The following GFRA2 variants were observed in gnomAD, a reference collection of about 807,000 sequenced individuals.
The protein encoded by GFRA2 is GDNF family receptor alpha-2.
GFRA2 carries 17 observed loss-of-function variants against 48.3 expected under a neutral mutation model. The observed-to-expected ratio is 0.35, with a 90% confidence interval of 0.24 to 0.53. The LOEUF is 0.53. GFRA2 is among the 20% of genes least tolerant of loss of function. The pLI is 0.93. For synonymous variants in GFRA2, 305 were observed against 257.2 expected, an observed-to-expected ratio of 1.19 and a Z score of -1.78; for missense variants, 660 against 637.3, an observed-to-expected ratio of 1.04 and a Z score of -0.38.
At chr8:21,705,480 A>G (rs13271884) in intron 5 of GFRA2, among the ~76,000 whole-genome samples, 88,053 of 151,992 alleles carry the variant, frequency 0.58, 28,583 homozygotes, top group African/African-American at 0.89. Context: ...TCCTGGGATC[A>G]GACCCCAGTG....
At chr8:21,768,641 C>G (rs1200747230) in intron 3 of GFRA2, among the ~76,000 whole-genome samples, 1 of 152,132 alleles carries the variant, frequency 6.6e-6, no homozygotes, top group Non-Finnish European at 1.5e-5. Context: ...ACCGGCCGAG[C>G]AAAGCCGGGC....
At chr8:21,747,498 C>A (rs1805064944) in intron 4 of GFRA2, among the ~76,000 whole-genome samples, 1 of 152,168 alleles carries the variant, frequency 6.6e-6, no homozygotes, top group African/African-American at 2.4e-5. Flanking sequence ...AACCCACCTT[C>A]TTCACAGAGC....
intron 1 of GFRA2, among the ~76,000 whole-genome samples, chr8:21,784,974 G>A (rs1807197373): frequency 6.6e-6 from 1 of 152,086 alleles, no homozygotes; most frequent in Non-Finnish European, 1.5e-5. Flanking sequence ...GCCAGCCCGT[G>A]GGAGCCTCTG....
chr8:21,750,553 CCTGCCAGCACCACCGGGG>C lies in GFRA2; in HGVS notation c.794+17_794+34del, dbSNP rs1805237704. 1 of 1,298,580 alleles carries C rather than the reference CCTGCCAGCACCACCGGGG, an allele frequency of 7.7e-7. No individual in the cohort carries two copies. Among genetic ancestry groups the C allele is most frequent in the Admixed American group, 2.0e-5 (1 of 48,846 alleles). The allele number at this position is 1,298,580 out of a possible 1,614,324, so 80.4% of individuals were successfully genotyped here. A position where few individuals can be genotyped will look rare whatever the true frequency, so the allele number is the denominator to read the frequency against. ...CACAGCCTGGCAATGCAAGCGCCCT[CCTGCCAGCACCACCGGGG>C]CTGCCGCGGCACTCACCGACACAGG... On this transcript the variant is annotated intron_variant, in intron 4 of 8. Transcript: ENST00000524240. This position sits in a 1 kb window ranked among gnomAD's most constrained non-coding sequence, Gnocchi z 5.7.
At chr8:21,784,019 G>C (rs1197126310) in intron 1 of GFRA2, among the ~76,000 whole-genome samples, 2 of 151,796 alleles carry the variant, frequency 1.3e-5, no homozygotes, top group African/African-American at 4.8e-5. Context: ...AAAGGGAAAA[G>C]CTCCCCTCCT....
intron 2 of GFRA2, among the ~76,000 whole-genome samples, chr8:21,802,403 G>A (rs1352431813): frequency 6.6e-6 from 1 of 152,170 alleles, no homozygotes; most frequent in African/African-American, 2.4e-5. Flanking sequence ...TGTCCAGGCT[G>A]GAGTGCAGTG....
intron 2 of GFRA2, among the ~76,000 whole-genome samples, chr8:21,795,906 C>A (rs1807666253): frequency 6.6e-6 from 1 of 152,202 alleles, no homozygotes; most frequent in South Asian, 2.1e-4. Context: ...AAGGAAAAAG[C>A]ACTCAAGTCA....
intron 2 of GFRA2, among the ~76,000 whole-genome samples, chr8:21,776,519 G>GT (rs1266732401): frequency 2.0e-5 from 3 of 148,808 alleles, no homozygotes; most frequent in African/African-American, 7.5e-5. Context: ...CCAGGCTGGA[G>GT]TACAGTGGCA....
chr8:21,808,401 T>G (rs1685107519), intron 1 of GFRA2, among the ~76,000 whole-genome samples: 2 of 152,232 alleles, frequency 1.3e-5, no homozygotes, highest in Non-Finnish European at 2.9e-5. Flanking sequence ...CCTTCCAGCA[T>G]TGCTATGATG....
Position 21,690,625 on chromosome 8 carries a change from A to T in GFRA2, c.*2653T>A, listed in dbSNP as rs984134539. 3 of 152,170 alleles carry T rather than the reference A, an allele frequency of 2.0e-5. No homozygotes were observed. Among genetic ancestry groups the T allele is most frequent in the Non-Finnish European group, 4.4e-5 (3 of 68,032 alleles). The allele number at this position is 152,170 out of a possible 1,614,324, so 9.4% of individuals were successfully genotyped here. A position where few individuals can be genotyped will look rare whatever the true frequency, so the allele number is the denominator to read the frequency against. On this transcript the variant is annotated 3_prime_UTR_variant, in exon 9 of 9. Transcript: ENST00000524240. ...CTTGGGAAATTTTCTCTCCCCCATG[A>T]TGTAGCCTAAGGGCTTACCTCCTAT...
intron 2 of GFRA2, among the ~76,000 whole-genome samples, chr8:21,776,936 G>A (rs1020972554): frequency 5.9e-5 from 9 of 152,042 alleles, no homozygotes; most frequent in African/African-American, 1.9e-4. Flanking sequence ...TATTTATTGA[G>A]GCCAAACAAT....
rs1801867088 is a variant in GFRA2, at chr8:21,691,079, A to C, written c.*2199T>G. 6.6e-6 allele frequency: 1 copy of C among 152,154 alleles called. No individual in the cohort carries two copies. The allele number at this position is 152,154 out of a possible 1,614,324, so 9.4% of individuals were successfully genotyped here. ...TGCTGCTCACACATATACAACCAGA[A>C]GCAAAAGCCATTGAGGGGACCTGCG... On this transcript the variant is annotated 3_prime_UTR_variant, in exon 9 of 9. Transcript: ENST00000524240.
intron 3 of GFRA2, among the ~76,000 whole-genome samples, chr8:21,760,922 C>T (rs896428851): frequency 6.6e-6 from 1 of 152,136 alleles, no homozygotes; most frequent in African/African-American, 2.4e-5. Flanking sequence ...ACTGACACCC[C>T]CCCAAATACT....
chr8:21,789,870 G>A (rs1385419954), upstream of GFRA2, among the ~76,000 whole-genome samples: 1 of 152,128 alleles, frequency 6.6e-6, no homozygotes, highest in Admixed American at 6.5e-5. Context: ...AACCGCCCCA[G>A]AGGAATCGGG....
intron 4 of GFRA2, among the ~76,000 whole-genome samples, chr8:21,706,863 G>A (rs1241422870): frequency 1.3e-5 from 2 of 152,198 alleles, no homozygotes; most frequent in African/African-American, 4.8e-5. Flanking sequence ...GACATGGAAG[G>A]TTCCATGGAA....
chr8:21,695,802 C>T (rs1192449686), intron 7 of GFRA2, among the ~76,000 whole-genome samples: 2 of 152,146 alleles, frequency 1.3e-5, no homozygotes, highest in Admixed American at 6.5e-5. Context: ...GTCATAATGG[C>T]CTCGCATCTG....
chr8:21,697,215 G>A (rs1802252665), intron 7 of GFRA2, among the ~76,000 whole-genome samples: 1 of 69,954 alleles, frequency 1.4e-5, no homozygotes, highest in South Asian at 5.6e-4. Context: ...AAAGGGGAGG[G>A]GAGGGCATGG....
Position 21,762,031 on chromosome 8 carries a change from C to T in GFRA2, c.440-11089G>A, listed in dbSNP as rs183125057. Among the ~76,000 whole-genome samples the T allele has an allele frequency of 5.9e-4, 90 of 152,330 alleles. 1 individual carries two copies. The highest frequency in any genetic ancestry group is 2.1e-3 in the African/African-American group (88 of 41,574). On this transcript the variant is annotated intron_variant, in intron 3 of 8. Coordinates refer to ENST00000524240, the MANE Select transcript of GFRA2 (RefSeq NM_001495.5). ...CATCTCACCTCTCTGGCTACCTTCA[C>T]ATTACACTGCCCTGCTAGGAAAAGA...
At chr8:21,723,021 A>G (rs1431390142) in intron 4 of GFRA2, among the ~76,000 whole-genome samples, 4 of 152,198 alleles carry the variant, frequency 2.6e-5, no homozygotes, top group African/African-American at 9.7e-5. Flanking sequence ...GTCCCTCTGG[A>G]TTCGTTACCA....
Sources: allele counts gnomAD v4.1 joint callset (sites outside exome capture counted in the v4.1 genomes callset), GRCh38; gene constraint gnomAD v4.1.1; non-coding constraint Gnocchi (gnomAD v3.1); transcripts MANE v1.5; gene names NCBI Gene and HGNC (gene_info 2026-07-23, HGNC 2026-07-21).